The following NUP58 variants were observed in gnomAD, a reference collection of about 807,000 sequenced individuals.
NUP58 encodes the protein nucleoporin p58/p45.
Under a neutral mutation model 70.1 loss-of-function variants are expected in NUP58, and 17 were observed. The ratio of observed to expected loss-of-function variants is 0.24; its 90% CI spans 0.17 to 0.36. The LOEUF is 0.36. Ranked by LOEUF, NUP58 falls within the 10% of genes least tolerant of loss-of-function variation. The pLI is 1.00. For missense variants in NUP58, 644 were observed against 701.5 expected, an observed-to-expected ratio of 0.92 and a Z score of 0.93; for synonymous variants, 275 against 257.6, an observed-to-expected ratio of 1.07 and a Z score of -0.65.
chr13:25,319,476 T>C, intron 7 of NUP58, 126 bp downstream of exon 7: 1 of 762,280 alleles, frequency 1.3e-6, no homozygotes, highest in South Asian at 1.7e-5. Context: ...TTTGTAATGG[T>C]ATTCGTTAAA....
intron 6 of NUP58, among the ~76,000 whole-genome samples, chr13:25,318,788 A>G (rs1336584588): frequency 2.0e-5 from 3 of 152,204 alleles, no homozygotes; most frequent in Non-Finnish European, 4.4e-5. Flanking sequence ...GCAGATGGGA[A>G]GATAAATTGT....
At chr13:25,336,316 C>T in intron 13 of NUP58, 2 of 1,164,632 alleles carry the variant, frequency 1.7e-6, no homozygotes, top group Non-Finnish European at 2.4e-6. Context: ...ATTTGCTTTA[C>T]AATGAACAAT....
At chr13:25,310,028 T>C (rs1476952648) in intron 3 of NUP58, 4 of 400,066 alleles carry the variant, frequency 1.0e-5, no homozygotes, top group Non-Finnish European at 2.0e-5. Flanking sequence ...AAGTGAATCT[T>C]CTTGTTTTCT....
rs544751471 is a variant in NUP58 at position 25,309,141 on chromosome 13, G to T, written c.251-106G>T. ...GATATGTATTGTTCTAATTAGAAGTGTTGTCACTCCCTGAGGGTGATTTTA... is the reference window on the plus strand; with the variant it reads ...GATATGTATTGTTCTAATTAGAAGTTTTGTCACTCCCTGAGGGTGATTTTA... On this transcript the variant is annotated intron_variant, in intron 2 of 15. Coordinates refer to ENST00000381736, the MANE Select transcript of NUP58 (RefSeq NM_014089.4). 3.8e-5 allele frequency: 30 copies of T among 797,122 alleles called. No individual in the cohort carries two copies. The Admixed American group carries it at 4.2e-4, about 11-fold the overall frequency. The allele number at this position is 797,122 out of a possible 1,614,324, so 49.4% of individuals were successfully genotyped here.
In NUP58 at chr13:25,301,890, C is replaced by T. The variant is rs1310330966; in HGVS notation, c.107+10C>T. ...GAACGGGAGCGTCTAGGTAACCGCA[C>T]TTTCTCGCCTTCCTGGGCCGGATTC... On this transcript the variant is annotated intron_variant, in intron 1 of 15. Coordinates refer to ENST00000381736, the MANE Select transcript of NUP58 (RefSeq NM_014089.4). 1.9e-6 allele frequency: 3 copies of T among 1,582,530 alleles called. No individual in the cohort carries two copies. Among genetic ancestry groups the T allele is most frequent in the Non-Finnish European group, 1.7e-6 (2 of 1,153,574 alleles).
At chr13:25,347,604 T>C (rs1200744407) in intron 3 of NUP58, among the ~76,000 whole-genome samples, 1 of 152,208 alleles carries the variant, frequency 6.6e-6, no homozygotes, top group Non-Finnish European at 1.5e-5. Context: ...AGGATTTACT[T>C]TTTGGCTAAT....
chr13:25,343,502 G>A (rs182116381), downstream of NUP58, among the ~76,000 whole-genome samples: 518 of 147,188 alleles, frequency 3.5e-3, 5 homozygotes, highest in African/African-American at 0.013. Context: ...CACTCTTGTC[G>A]CCCAGGCTGA....
chr13:25,338,890 T>C, intron 15 of NUP58, 159 bp downstream of exon 15: 1 of 503,168 alleles, frequency 2.0e-6, no homozygotes, highest in Non-Finnish European at 3.6e-6. Context: ...CATTTTACTT[T>C]ATCTCTCTCA....
chr13:25,322,961 A>C (rs2031247331), intron 9 of NUP58, among the ~76,000 whole-genome samples: 3 of 152,176 alleles, frequency 2.0e-5, no homozygotes, highest in African/African-American at 7.2e-5. Context: ...ATTAGAGCAA[A>C]ATAATGGAGG....
intron 2 of NUP58, 139 bp downstream of exon 2, chr13:25,308,087 C>G (rs2030465290): frequency 1.1e-6 from 1 of 937,686 alleles, no homozygotes; most frequent in Non-Finnish European, 1.5e-6. Flanking sequence ...AAAAGAAATG[C>G]AAGGAATTGG....
At chr13:25,342,864 T>C (rs2031993122), downstream of NUP58, among the ~76,000 whole-genome samples, 1 of 152,210 alleles carries the variant, frequency 6.6e-6, no homozygotes, top group Non-Finnish European at 1.5e-5. Context: ...TTAAAAAGTT[T>C]GTGTTCTGGA....
chr13:25,305,047 G>A (rs145602022), intron 1 of NUP58, among the ~76,000 whole-genome samples: 1 of 151,228 alleles, frequency 6.6e-6, no homozygotes, highest in East Asian at 1.9e-4. Context: ...TTCTGTGTGT[G>A]TGATCTCACT....
chr13:25,311,509 G>A lies in NUP58; in HGVS notation c.287-1374G>A, dbSNP rs1230970113. Among the ~76,000 whole-genome samples, 16 of 152,114 alleles carry A rather than the reference G, an allele frequency of 1.1e-4. 1 individual carries two copies. In the South Asian group the frequency reaches 2.9e-3, roughly 28 times the overall value. ...TCCTGTCTCAGCCTCCCGAGTAGCTGGGATTACAGGCATGCGCCACCACGC... is the reference window on the plus strand; with the variant it reads ...TCCTGTCTCAGCCTCCCGAGTAGCTAGGATTACAGGCATGCGCCACCACGC... On this transcript the variant is annotated intron_variant, in intron 3 of 15. Transcript: ENST00000381736.
intron 13 of NUP58, chr13:25,333,357 G>A: frequency 1.0e-6 from 1 of 985,350 alleles, no homozygotes; most frequent in South Asian, 4.7e-5. Context: ...TTCTTGAGGA[G>A]CCTTTTGCTC....
downstream of NUP58, among the ~76,000 whole-genome samples, chr13:25,342,619 T>A (rs922456344): frequency 1.3e-5 from 2 of 152,170 alleles, no homozygotes; most frequent in Admixed American, 6.5e-5. Context: ...TTTTTAGTTA[T>A]AAAGAATAAT....
chr13:25,344,599 T>G (rs1017739406), downstream of NUP58, among the ~76,000 whole-genome samples: 20 of 152,250 alleles, frequency 1.3e-4, no homozygotes, highest in African/African-American at 4.3e-4. Context: ...TTTATTGAGT[T>G]TGATTTTTCT....
chr13:25,307,838 T>C lies in NUP58; in HGVS notation c.140T>C (p.Leu47Pro), dbSNP rs772493266. Residue 47 changes from leucine to proline, a missense_variant, in exon 2 of 16, where the codon CTT (leucine) becomes CCT (proline). Physicochemically the swap from Leu to Pro is moderately conservative, Grantham distance 98 (BLOSUM62 -3). Around this residue, in one of 4 missense-constraint regions of NUP58, gnomAD observed 430 missense variants for 409.2 expected, o/e 1.05. Transcript: ENST00000381736. ...NPSVGLNFGN[L>P]GSTSTPATTS... ...TCTGTGGGGCTCAATTTTGGAAATC[T>C]TGGAAGTACTTCAACTCCAGCAACT... The C allele has an allele frequency of 3.7e-6, 6 of 1,614,198 alleles. No homozygotes were observed. In the South Asian group the frequency reaches 6.6e-5, roughly 18 times the overall value.
chr13:25,301,919 C>A, intron 1 of NUP58, 39 bp downstream of exon 1: 1 of 1,293,206 alleles, frequency 7.7e-7, no homozygotes, highest in Non-Finnish European at 1.1e-6. Flanking sequence ...CGGATTCACC[C>A]CCACCCCCAC....
At chr13:25,338,850 C>G (rs1307345814) in intron 15 of NUP58, 119 bp downstream of exon 15, 1 of 736,044 alleles carries the variant, frequency 1.4e-6, no homozygotes, top group Non-Finnish European at 2.3e-6. Context: ...AGTTTTTACT[C>G]CCTGGATGAA....
Sources: gnomAD v4.1 joint callset for allele counts (sites outside exome capture counted in the v4.1 genomes callset) on GRCh38, gnomAD v4.1.1 for gene constraint, gnomAD v4.1.1 regional missense constraint, MANE v1.5 for transcripts, NCBI Gene and HGNC (gene_info 2026-07-23, HGNC 2026-07-21) for gene names.